The following HGSNAT variants were observed in gnomAD, a reference collection of about 807,000 sequenced individuals.
The protein encoded by HGSNAT is transmembrane protein 76.
In HGSNAT, 59 loss-of-function variants were observed where a neutral mutation model predicts 85.2. The observed-to-expected ratio is 0.69, with a 90% CI of 0.56 to 0.86. The LOEUF is 0.86. Among genes scored for constraint, HGSNAT ranks in the 40% least tolerant of loss-of-function variants. The pLI, the probability that HGSNAT is intolerant of heterozygous loss-of-function variation, is 0.00. For synonymous variants in HGSNAT, 321 were observed against 304.5 expected (o/e 1.05, Z -0.56); for missense variants, 756 against 777.1 (o/e 0.97, Z 0.32).
At chr8:43,183,675 G>A (rs1418765339) in intron 11 of HGSNAT, among the ~76,000 whole-genome samples, 1 of 152,074 alleles carries the variant, frequency 6.6e-6, no homozygotes, top group Non-Finnish European at 1.5e-5. Flanking sequence ...TAGGGTATAT[G>A]TGCACAACGT....
At chr8:43,177,557 C>CAAA (rs11291112) in intron 9 of HGSNAT, among the ~76,000 whole-genome samples, 6 of 80,444 alleles carry the variant, frequency 7.5e-5, no homozygotes, top group East Asian at 3.4e-4. Flanking sequence ...GACTCCGTCT[C>CAAA]AAAAAAAAAA....
intron 10 of HGSNAT, among the ~76,000 whole-genome samples, 153 bp downstream of exon 10, chr8:43,178,387 T>C (rs1384843170): frequency 1.3e-5 from 2 of 152,000 alleles, no homozygotes; most frequent in Admixed American, 1.3e-4. Flanking sequence ...ACTGTGAGCA[T>C]TATTATTATT....
intron 11 of HGSNAT, among the ~76,000 whole-genome samples, chr8:43,191,043 T>A (rs1003016751): frequency 2.6e-5 from 4 of 152,206 alleles, no homozygotes; most frequent in Non-Finnish European, 5.9e-5. Context: ...ACTTAGCATA[T>A]TTTTTGAGGT....
intron 2 of HGSNAT, among the ~76,000 whole-genome samples, chr8:43,153,408 A>G (rs1802981651): frequency 6.6e-6 from 1 of 152,000 alleles, no homozygotes; most frequent in African/African-American, 2.4e-5. Flanking sequence ...GGGGTACAGT[A>G]TCTCGAACTG....
At chr8:43,143,835 C>G (rs775756951) in intron 1 of HGSNAT, among the ~76,000 whole-genome samples, 5 of 151,876 alleles carry the variant, frequency 3.3e-5, no homozygotes, top group Non-Finnish European at 4.4e-5. Context: ...TGTGAGCCAC[C>G]GTGCCTGGCC....
At chr8:43,191,673 C>T (rs561580390) in intron 12 of HGSNAT, 78 bp downstream of exon 12, 31 of 1,533,488 alleles carry the variant, frequency 2.0e-5, no homozygotes, top group African/African-American at 1.5e-4. Flanking sequence ...TCACAGGTCT[C>T]GAGTCAGAGG....
chr8:43,172,760 T>G (rs932826265), intron 8 of HGSNAT, among the ~76,000 whole-genome samples: 5 of 152,238 alleles, frequency 3.3e-5, no homozygotes, highest in Admixed American at 6.5e-5. Flanking sequence ...CTAGGACTTA[T>G]GGTCCTTTTT....
At chr8:43,155,662 C>T (rs186448695) in intron 2 of HGSNAT, among the ~76,000 whole-genome samples, 50 of 152,156 alleles carry the variant, frequency 3.3e-4, no homozygotes, top group African/African-American at 9.6e-4. Context: ...CAATGTTTCC[C>T]CCATGCTTAC....
At chr8:43,164,719 T>C (rs1290169995) in intron 5 of HGSNAT, among the ~76,000 whole-genome samples, 3 of 152,118 alleles carry the variant, frequency 2.0e-5, no homozygotes, top group Non-Finnish European at 4.4e-5. Context: ...AAGTGGAGGT[T>C]TGCAGTGAGC....
At chr8:43,146,848 G>A in intron 1 of HGSNAT, 100 bp from the exon 2 acceptor site, 1 of 658,914 alleles carries the variant, frequency 1.5e-6, no homozygotes, top group Non-Finnish European at 2.6e-6. Flanking sequence ...CTTTTGAGAA[G>A]CACTACTGGA....
At position 43,172,348 on chromosome 8, in the gene HGSNAT, G is replaced by A. The variant is rs1803654033; in HGVS notation, c.782G>A (p.Gly261Glu). The A allele has an allele frequency of 1.2e-6, 2 of 1,612,170 alleles. No individual in the cohort carries two copies. The highest frequency in any genetic ancestry group is 2.7e-5 in the African/African-American group (2 of 74,880). The change falls in exon 8 of 18, where the codon GGA becomes GAA. Residue 261 changes from glycine (G) to glutamate (E), a missense_variant. Transcript: ENST00000379644. ...LILMVFVNYG[G>E]GKYWYFKHAS... is the part of the protein sequence containing the mutation. Reference sequence around the variant, plus strand: ...CTCATGGTCTTTGTCAATTATGGAGGAGGAAAATATTGGTACTTCAAACAT... The same window carrying A: ...CTCATGGTCTTTGTCAATTATGGAGAAGGAAAATATTGGTACTTCAAACAT...
chr8:43,167,987 C>T (rs1248534120), intron 5 of HGSNAT: 3 of 246,404 alleles, frequency 1.2e-5, no homozygotes, highest in Admixed American at 5.2e-5. Context: ...GGCACCATCT[C>T]GGCTCACTCC....
intron 5 of HGSNAT, among the ~76,000 whole-genome samples, chr8:43,162,514 G>A (rs901947278): frequency 3.3e-5 from 5 of 151,518 alleles, no homozygotes; most frequent in Admixed American, 1.3e-4. Flanking sequence ...TGCTATTTCA[G>A]TATATCAGGA....
In HGSNAT at chr8:43,201,550, C is replaced by G. The variant is rs973407942; in HGVS notation, c.*1981C>G. 1 of 152,220 alleles carries G rather than the reference C, an allele frequency of 6.6e-6. No homozygotes were observed. Among genetic ancestry groups the G allele is most frequent in the Non-Finnish European group, 1.5e-5 (1 of 68,046 alleles). The allele number at this position is 152,220 out of a possible 1,614,324, so 9.4% of individuals were successfully genotyped here. A position where few individuals can be genotyped will look rare whatever the true frequency, so the allele number is the denominator to read the frequency against. Reference sequence around the variant, plus strand: ...ACATTTGATCTGTCATGTTTAAACCCCCTACTTCTAAGGGAACTTCTCTAA... The same window carrying G: ...ACATTTGATCTGTCATGTTTAAACCGCCTACTTCTAAGGGAACTTCTCTAA... On this transcript the variant is annotated 3_prime_UTR_variant, in exon 18 of 18. Coordinates refer to ENST00000379644, the MANE Select transcript of HGSNAT (RefSeq NM_152419.3). The surrounding 1 kb of genome is among the most constrained non-coding windows in gnomAD (Gnocchi z 4.4).
chr8:43,159,616 T>C (rs1347584871), intron 4 of HGSNAT, among the ~76,000 whole-genome samples: 5 of 152,192 alleles, frequency 3.3e-5, no homozygotes, highest in Non-Finnish European at 7.4e-5. Context: ...TATCAATACA[T>C]TCTCATAGTT....
At chr8:43,184,770 G>T (rs1804249534) in intron 11 of HGSNAT, among the ~76,000 whole-genome samples, 1 of 152,180 alleles carries the variant, frequency 6.6e-6, no homozygotes, top group South Asian at 2.1e-4. Flanking sequence ...ATGGTTTTAG[G>T]TCTAACATTT....
intron 2 of HGSNAT, among the ~76,000 whole-genome samples, chr8:43,153,770 C>T (rs1802996818): frequency 6.6e-6 from 1 of 152,144 alleles, no homozygotes; most frequent in South Asian, 2.1e-4. Context: ...ACATTTTTAG[C>T]TTTTACATAC....
At chr8:43,179,666 TC>T (rs1803973941) in intron 10 of HGSNAT, among the ~76,000 whole-genome samples, 1 of 3,432 alleles carries the variant, frequency 2.9e-4, no homozygotes, top group South Asian at 0.012. Flanking sequence ...GGGGGGCTGA[TC>T]CCCCCACCTC....
chr8:43,197,456 C>T (rs1804763112), intron 15 of HGSNAT: 2 of 582,208 alleles, frequency 3.4e-6, no homozygotes, highest in Non-Finnish European at 6.1e-6. Flanking sequence ...GTAAGCTTAC[C>T]CTCTTCAACT....
Sources: gnomAD v4.1 joint callset for allele counts (sites outside exome capture counted in the v4.1 genomes callset) on GRCh38, gnomAD v4.1.1 for gene constraint, Gnocchi (gnomAD v3.1) non-coding constraint, MANE v1.5 for transcripts, NCBI Gene and HGNC (gene_info 2026-07-23, HGNC 2026-07-21) for gene names.